The following PRIM2 variants were observed in gnomAD, a reference collection of about 807,000 sequenced individuals.
The protein encoded by PRIM2 is DNA primase large subunit.
A neutral mutation model predicts 67.3 loss-of-function variants in PRIM2; 39 were observed. The ratio of observed to expected loss-of-function variants is 0.58; its 90% CI spans 0.45 to 0.76. PRIM2 has a LOEUF of 0.76. Among genes scored for constraint, PRIM2 ranks in the 30% least tolerant of loss-of-function variants. The pLI is 0.00. For synonymous variants in PRIM2, 143 were observed against 198.7 expected (o/e 0.72, Z 2.36); for missense variants, 398 against 598.7 (o/e 0.66, Z 3.50).
intron 10 of PRIM2, among the ~76,000 whole-genome samples, chr6:57,550,096 C>T (rs1223085942): frequency 2.6e-5 from 4 of 151,800 alleles, no homozygotes; most frequent in African/African-American, 9.7e-5. Flanking sequence ...CCCCCTAAAC[C>T]CCCCTCAAAA....
At chr6:57,438,880 C>T (rs907669073) in intron 7 of PRIM2, among the ~76,000 whole-genome samples, 2 of 151,896 alleles carry the variant, frequency 1.3e-5, no homozygotes, top group Admixed American at 6.6e-5. Flanking sequence ...TCAAGTGATT[C>T]TCCTGCCTCA....
chr6:57,575,169 C>T (rs1775940133), intron 10 of PRIM2, among the ~76,000 whole-genome samples: 1 of 152,128 alleles, frequency 6.6e-6, no homozygotes, highest in Admixed American at 6.6e-5. Context: ...AGATTTTCTT[C>T]CTGCCTTATA....
intron 5 of PRIM2, among the ~76,000 whole-genome samples, chr6:57,328,769 T>C (rs1044987235): frequency 4.6e-5 from 7 of 152,252 alleles, no homozygotes; most frequent in African/African-American, 1.7e-4. Flanking sequence ...TGTATCATTA[T>C]ATATCTTACC....
the PRIM2 span, among the ~76,000 whole-genome samples, chr6:57,232,243 T>A: frequency 7.2e-5 from 11 of 152,208 alleles, no homozygotes; most frequent in Non-Finnish European, 1.6e-4. Context: ...GTCCTCAAAT[T>A]TGTAAGTTTA....
intron 5 of PRIM2, among the ~76,000 whole-genome samples, chr6:57,327,619 C>T (rs4712144): frequency 0.71 from 107,368 of 152,138 alleles, 38,211 homozygotes; most frequent in African/African-American, 0.81. Context: ...ACCAAACCCA[C>T]TGCATCTTCC....
chr6:57,330,961 T>C (rs1434467861), intron 5 of PRIM2, among the ~76,000 whole-genome samples: 1 of 151,830 alleles, frequency 6.6e-6, no homozygotes, highest in African/African-American at 2.4e-5. Flanking sequence ...GGTGGGCGGA[T>C]CACAAGGTCA....
chr6:57,263,326 A>G, the PRIM2 span, among the ~76,000 whole-genome samples: 2 of 152,228 alleles, frequency 1.3e-5, no homozygotes, highest in African/African-American at 4.8e-5. Context: ...GGAAGTTTGA[A>G]ATCAAGACAT....
At chr6:57,472,200 T>C in intron 7 of PRIM2, among the ~76,000 whole-genome samples, 1 of 151,860 alleles carries the variant, frequency 6.6e-6, no homozygotes, top group East Asian at 1.9e-4. Flanking sequence ...GAGGCCAAGG[T>C]GGGCGGATCA....
chr6:57,465,490 T>G (rs1270838890), intron 7 of PRIM2, among the ~76,000 whole-genome samples: 1 of 152,190 alleles, frequency 6.6e-6, no homozygotes, highest in Non-Finnish European at 1.5e-5. Context: ...GAACCTGTTT[T>G]AAGGCATGAT....
At chr6:57,491,871 G>GTATTTTT (rs1773900094) in intron 7 of PRIM2, among the ~76,000 whole-genome samples, 413 of 152,296 alleles carry the variant, frequency 2.7e-3, no homozygotes, top group African/African-American at 9.0e-3. Context: ...TGACGAGGCT[G>GTATTTTT]GGTTCCTTAT....
the PRIM2 span, among the ~76,000 whole-genome samples, chr6:57,289,263 TGAAGA>T: frequency 6.6e-6 from 1 of 150,534 alleles, no homozygotes; most frequent in Non-Finnish European, 1.5e-5. Context: ...GAAAAAAGAG[TGAAGA>T]GAAAAGAACA....
intron 5 of PRIM2, among the ~76,000 whole-genome samples, chr6:57,336,470 T>A (rs1258819351): frequency 6.6e-6 from 1 of 152,210 alleles, no homozygotes; most frequent in African/African-American, 2.4e-5. Flanking sequence ...AAAGGTTGGG[T>A]TACCCTCAAA....
the PRIM2 span, among the ~76,000 whole-genome samples, chr6:57,305,487 G>T: frequency 1.3e-5 from 2 of 152,178 alleles, no homozygotes; most frequent in Middle Eastern, 3.2e-3. Context: ...GTTAAAAACT[G>T]AAATATTCAG....
At chr6:57,571,263 AG>A (rs1191035721) in intron 10 of PRIM2, among the ~76,000 whole-genome samples, 1 of 152,178 alleles carries the variant, frequency 6.6e-6, no homozygotes, top group Non-Finnish European at 1.5e-5. Flanking sequence ...TTATTATCAA[AG>A]CAAAAGTTCC....
chr6:57,330,413 C>G (rs1325785364), intron 5 of PRIM2, among the ~76,000 whole-genome samples: 1 of 121,984 alleles, frequency 8.2e-6, no homozygotes. Context: ...GAGTCTTGCA[C>G]TGTAGCCGAG....
the PRIM2 span, among the ~76,000 whole-genome samples, chr6:57,222,774 A>G: frequency 6.6e-6 from 1 of 152,230 alleles, no homozygotes; most frequent in African/African-American, 2.4e-5. Context: ...TTTCAAAATA[A>G]AATAGAATAG....
chr6:57,462,744 A>G (rs72875430), intron 7 of PRIM2, among the ~76,000 whole-genome samples: 1 of 152,164 alleles, frequency 6.6e-6, no homozygotes. Context: ...AGAGTCACCC[A>G]GTTGCTGTAG....
At chr6:57,341,227 G>A (rs1293999033) in intron 5 of PRIM2, among the ~76,000 whole-genome samples, 1 of 152,124 alleles carries the variant, frequency 6.6e-6, no homozygotes, top group Non-Finnish European at 1.5e-5. Flanking sequence ...TTCTCAGTGG[G>A]GGGATAGGAT....
At chr6:57,329,174 C>G (rs1435352473) in intron 5 of PRIM2, among the ~76,000 whole-genome samples, 4 of 149,442 alleles carry the variant, frequency 2.7e-5, no homozygotes, top group Non-Finnish European at 4.5e-5. Flanking sequence ...TTTTTCTTGT[C>G]ACTTGTGCTT....
Sources: allele counts gnomAD v4.1 joint callset (sites outside exome capture counted in the v4.1 genomes callset), GRCh38; gene constraint gnomAD v4.1.1; transcripts MANE v1.5; gene names NCBI Gene and HGNC (gene_info 2026-07-23, HGNC 2026-07-21).